Variants in PSMC5 observed in about 807,000 individuals in gnomAD.
PSMC5 encodes the protein proteasome 26S subunit, ATPase 5.
PSMC5 carries 11 observed loss-of-function variants against 49.1 expected under a neutral mutation model. That is an observed-to-expected ratio of 0.22 (90% CI 0.14 to 0.37). The LOEUF is 0.37. Ranked by LOEUF, PSMC5 falls within the 10% of genes least tolerant of loss-of-function variation. The probability of loss-of-function intolerance (pLI) is 1.00; values close to 1 mark genes in which losing one functional copy is unlikely to be tolerated. For missense variants in PSMC5, 229 were observed against 520.9 expected, an observed-to-expected ratio of 0.44 and a Z score of 5.45; for synonymous variants, 206 against 192.2, an observed-to-expected ratio of 1.07 and a Z score of -0.59.
chr17:63,828,085 T>C, intron 1 of PSMC5, 53 bp from the exon 2 acceptor site: 1 of 1,605,022 alleles, frequency 6.2e-7, no homozygotes, highest in Non-Finnish European at 8.5e-7. Flanking sequence ...TGCAAGTGGC[T>C]TTACCCCCTC....
rs764301810 is a variant in PSMC5 at position 63,831,904 on chromosome 17, T to TCC, written c.1168-10_1168-9dup. ...TTCGTAACTTAATGTTCATTCTCTC[T>TCC]CCCACCCCTAGGTCATGCAGAAGGA... On this transcript the variant is annotated splice_polypyrimidine_tract_variant and intron_variant, in intron 11 of 11. Transcript: ENST00000310144. This position sits in a 1 kb window ranked among gnomAD's most constrained non-coding sequence, Gnocchi z 6.3. 74 of 1,613,720 alleles carry TCC rather than the reference T, an allele frequency of 4.6e-5. No individual in the cohort carries two copies. Among genetic ancestry groups the TCC allele is most frequent in the Non-Finnish European group, 5.8e-5 (68 of 1,179,794 alleles).
Position 63,830,995 on chromosome 17 carries a change from A to T in PSMC5, c.680-41A>T. 1 of 1,606,966 alleles carries T rather than the reference A, an allele frequency of 6.2e-7. No homozygotes were observed. The highest frequency in any genetic ancestry group is 8.5e-7 in the Non-Finnish European group (1 of 1,175,896). ...AGGGGTAGGGGGTTAGAGAGCTAAT[A>T]AGCTAATAAGCTCCCTAACACCAGC... is the stretch of plus-strand genomic sequence containing the variant. On this transcript the variant is annotated intron_variant, in intron 7 of 11. Transcript: ENST00000310144. The surrounding 1 kb of genome is among the most constrained non-coding windows in gnomAD (Gnocchi z 4.0).
At chr17:63,829,688 A>G (rs1272983285) in intron 3 of PSMC5, 125 bp downstream of exon 3, 8 of 1,218,286 alleles carry the variant, frequency 6.6e-6, no homozygotes, top group African/African-American at 1.5e-5. Flanking sequence ...GTAGTTTCAC[A>G]TGCATCTCTT....
Position 63,831,012 on chromosome 17 carries a change from A to G in PSMC5, c.680-24A>G. 3 of 1,598,478 alleles carry G rather than the reference A, an allele frequency of 1.9e-6. No homozygotes were observed. The highest frequency in any genetic ancestry group is 2.6e-6 in the Non-Finnish European group (3 of 1,170,592). The stretch of plus-strand genomic sequence containing the variant: ...GAGCTAATAAGCTAATAAGCTCCCT[A>G]ACACCAGCTCGGCCTCCACACAGGG... On this transcript the variant is annotated intron_variant, in intron 7 of 11. Coordinates refer to ENST00000310144, the MANE Select transcript of PSMC5 (RefSeq NM_002805.6). This position sits in a 1 kb window ranked among gnomAD's most constrained non-coding sequence, Gnocchi z 6.3.
chr17:63,827,840 C>G, intron 1 of PSMC5: 2 of 1,429,198 alleles, frequency 1.4e-6, no homozygotes, highest in Non-Finnish European at 1.8e-6. Context: ...ACTGACACCT[C>G]GGGCTTGTAG....
Position 63,831,488 on chromosome 17 carries a change from T to A in PSMC5, c.970-18T>A. On this transcript the variant is annotated intron_variant, in intron 9 of 11. Transcript: ENST00000310144. The surrounding 1 kb of genome is among the most constrained non-coding windows in gnomAD (Gnocchi z 6.3). ...GGGGGTGGGGTGTGGGGCTCAGGCT[T>A]TTCCTTGCCATCTCCAGGCCCGGCT... 1 of 1,613,730 alleles carries A rather than the reference T, an allele frequency of 6.2e-7. No homozygotes were observed. Among genetic ancestry groups the A allele is most frequent in the Non-Finnish European group, 8.5e-7 (1 of 1,179,684 alleles).
At chr17:63,828,881 C>G (rs2040146261) in intron 2 of PSMC5, 1 of 153,980 alleles carries the variant, frequency 6.5e-6, no homozygotes, top group Admixed American at 6.4e-5. Flanking sequence ...CAATTTCACC[C>G]TAACCCCCTG....
chr17:63,827,566 G>T, intron 1 of PSMC5, 52 bp downstream of exon 1: 1 of 1,551,440 alleles, frequency 6.4e-7, no homozygotes, highest in South Asian at 1.2e-5. Flanking sequence ...GGTGCGGAGC[G>T]AGCGTGATCT....
chr17:63,831,453 C>A lies in PSMC5; in HGVS notation c.969+28C>A. ...TTGTGATGGACACTGTGCAAAGTGG[C>A]TCTGGCTGTGGGGGTGGGGTGTGGG... On this transcript the variant is annotated intron_variant, in intron 9 of 11. Transcript: ENST00000310144. The surrounding 1 kb of genome is among the most constrained non-coding windows in gnomAD (Gnocchi z 6.3). 1 of 1,613,052 alleles carries A rather than the reference C, an allele frequency of 6.2e-7. No individual in the cohort carries two copies.
In PSMC5 at chr17:63,831,131, C is replaced by T. The variant is rs1481519266; in HGVS notation, c.775C>T (p.Leu259=). ...AATCGACTCCATCGGCTCCTCGCGG[C>T]TGGAGGGGGGTTCTGGAGGGGACAG... ...DEIDSIGSSR[L]EGGSGGDSEV... Residue 259 remains leucine (L), a synonymous_variant, in exon 8 of 12, where the codon CTG becomes TTG. Coordinates refer to ENST00000310144, the MANE Select transcript of PSMC5 (RefSeq NM_002805.6). The surrounding 1 kb of genome is among the most constrained non-coding windows in gnomAD (Gnocchi z 6.3). 6.4e-6 allele frequency: 10 copies of T among 1,567,766 alleles called. No homozygotes were observed. Among genetic ancestry groups the T allele is most frequent in the Non-Finnish European group, 8.6e-6 (10 of 1,156,308 alleles).
Position 63,830,865 on chromosome 17 carries a change from G to T in PSMC5, c.609G>T (p.Val203=). 1 of 1,614,116 alleles carries T rather than the reference G, an allele frequency of 6.2e-7. No homozygotes were observed. Among genetic ancestry groups the T allele is most frequent in the Non-Finnish European group, 8.5e-7 (1 of 1,180,002 alleles). The change falls in exon 7 of 12, where the codon GTG becomes GTT. Residue 203 remains valine, a synonymous_variant. Transcript: ENST00000310144. This position sits in a 1 kb window ranked among gnomAD's most constrained non-coding sequence, Gnocchi z 4.0. ...GTGKTLLARA[V]AHHTDCTFIR... is the part of the protein sequence containing the mutation. The stretch of plus-strand genomic sequence containing the variant: ...GGAAGACACTGTTGGCCCGGGCTGT[G>T]GCTCATCATACGGACTGTACCTTTA...
At chr17:63,827,812 G>C in intron 1 of PSMC5, 1 of 1,427,226 alleles carries the variant, frequency 7.0e-7, no homozygotes, top group Non-Finnish European at 9.1e-7. Context: ...GCTCCGTTCC[G>C]CTGGCTCCTT....
intron 1 of PSMC5, 52 bp downstream of exon 1, chr17:63,827,566 G>A (rs1330653528): frequency 1.9e-6 from 3 of 1,551,322 alleles, no homozygotes; most frequent in Non-Finnish European, 2.6e-6. Flanking sequence ...GGTGCGGAGC[G>A]AGCGTGATCT....
rs1309738545 is a variant in PSMC5 at position 63,828,130 on chromosome 17, G to T, written c.25-8G>T. On this transcript the variant is annotated splice_region_variant and splice_polypyrimidine_tract_variant and intron_variant, in intron 1 of 11. Transcript: ENST00000310144. ...ACCTGTCGTTTAAGACTCACTCTGT[G>T]TCTTCAGATGGAGCTGGAGGAGGGG... The T allele has an allele frequency of 6.2e-7, 1 of 1,613,930 alleles. No individual in the cohort carries two copies. The highest frequency in any genetic ancestry group is 1.3e-5 in the African/African-American group (1 of 74,924).
Position 63,829,937 on chromosome 17 carries a change from A to G in PSMC5, c.252A>G (p.Lys84=), listed in dbSNP as rs201733814. 3.7e-6 allele frequency: 6 copies of G among 1,610,522 alleles called. No individual in the cohort carries two copies. In the African/African-American group the frequency reaches 6.7e-5, roughly 18 times the overall value. The change falls in exon 4 of 12, where the codon AAA becomes AAG. Residue 84 remains lysine (K), a synonymous_variant. Coordinates refer to ENST00000310144, the MANE Select transcript of PSMC5 (RefSeq NM_002805.6). Reference sequence around the variant, plus strand: ...TAGTCCGGGCCATGGATAAGAAGAAAGTGTTGGTCAAGGTAAAAGCAGCAT... The same window carrying G: ...TAGTCCGGGCCATGGATAAGAAGAAGGTGTTGGTCAAGGTAAAAGCAGCAT... ...GEVVRAMDKK[K]VLVKVHPEGK...
intron 3 of PSMC5, 67 bp from the exon 4 acceptor site, chr17:63,829,785 C>A: frequency 1.3e-6 from 2 of 1,500,454 alleles, no homozygotes; most frequent in Non-Finnish European, 9.3e-7. Flanking sequence ...AGCTCATGCA[C>A]GTAGAATTGG....
intron 2 of PSMC5, chr17:63,828,765 C>A (rs1415804369): frequency 6.4e-6 from 1 of 155,826 alleles, no homozygotes. Context: ...GGTATGGCTT[C>A]CAGTAGTAAG....
rs778754566 is a variant in PSMC5, at chr17:63,830,256, G to A, written c.322-15G>A. ...TCTTACTGTACCACTTCTGAAACTC[G>A]CCCCCTTCACCCAGGTGACACCCAA... On this transcript the variant is annotated splice_polypyrimidine_tract_variant and intron_variant, in intron 5 of 11. Transcript: ENST00000310144. The surrounding 1 kb of genome is among the most constrained non-coding windows in gnomAD (Gnocchi z 4.0). 9.9e-6 allele frequency: 16 copies of A among 1,613,962 alleles called. No individual in the cohort carries two copies. The Admixed American group carries it at 1.2e-4, about 12-fold the overall frequency.
At chr17:63,829,228 G>A (rs1380503895) in intron 2 of PSMC5, 1 of 375,464 alleles carries the variant, frequency 2.7e-6, no homozygotes, top group Admixed American at 4.3e-5. Context: ...TGTTACATGA[G>A]CCAGCTGTAA....
Sources: allele counts gnomAD v4.1 joint callset, GRCh38; gene constraint gnomAD v4.1.1; non-coding constraint Gnocchi (gnomAD v3.1); transcripts MANE v1.5; gene names NCBI Gene and HGNC (gene_info 2026-07-23, HGNC 2026-07-21).